TBC1D9: variants seen among roughly 807,000 people sequenced by gnomAD.
The protein encoded by TBC1D9 is TBC1 domain family member 9A.
TBC1D9 carries 63 observed loss-of-function variants against 132.0 expected under a neutral mutation model. The ratio of observed to expected loss-of-function variants is 0.48; its 90% CI spans 0.39 to 0.59. The LOEUF (loss-of-function observed/expected upper bound fraction) is 0.59, where lower values mean the gene tolerates loss of function less well. Among genes scored for constraint, TBC1D9 ranks in the 20% least tolerant of loss-of-function variants. The pLI is 0.00. For synonymous variants in TBC1D9, 610 were observed against 609.9 expected (o/e 1.00, Z 0.00); for missense variants, 1,261 against 1,592.7 (o/e 0.79, Z 3.54).
intron 1 of TBC1D9, chr4:140,715,666 T>A (rs1032190765): frequency 6.6e-6 from 1 of 152,214 alleles, no homozygotes; most frequent in African/African-American, 2.4e-5. Context: ...GGCTACAGAC[T>A]GTAATTAAAA....
At chr4:140,672,229 CATTAT>C (rs1737549237) in intron 6 of TBC1D9, among the ~76,000 whole-genome samples, 1 of 148,610 alleles carries the variant, frequency 6.7e-6, no homozygotes, top group Non-Finnish European at 1.5e-5. Flanking sequence ...ATATAATATA[CATTAT>C]ATATTAAACA....
Position 140,740,130 on chromosome 4 carries a change from C to T in TBC1D9, c.130+15786G>A, listed in dbSNP as rs554007782. On this transcript the variant is annotated intron_variant, in intron 1 of 20. Coordinates refer to ENST00000442267, the MANE Select transcript of TBC1D9 (RefSeq NM_015130.3). Reference sequence around the variant, plus strand: ...ATAAAGTAAAAGAGTTGATTTTAGGCCCCTGATTAATAATCTCTAGACCCC... The same window carrying T: ...ATAAAGTAAAAGAGTTGATTTTAGGTCCCTGATTAATAATCTCTAGACCCC... 8.5e-5 allele frequency among the ~76,000 whole-genome samples: 13 copies of T among 152,268 alleles called. 1 individual carries two copies. In the South Asian group the frequency reaches 2.7e-3, roughly 32 times the overall value.
intron 13 of TBC1D9, among the ~76,000 whole-genome samples, chr4:140,651,362 C>A (rs1405893758): frequency 6.6e-6 from 1 of 152,132 alleles, no homozygotes; most frequent in Non-Finnish European, 1.5e-5. Context: ...ACTCAGGAGG[C>A]TGAGCTGGAA....
chr4:140,740,018 G>A lies in TBC1D9; in HGVS notation c.130+15898C>T, dbSNP rs573664872. On this transcript the variant is annotated intron_variant, in intron 1 of 20. Coordinates refer to ENST00000442267, the MANE Select transcript of TBC1D9 (RefSeq NM_015130.3). Reference sequence around the variant, plus strand: ...TGCCTTAGAATAATGGAGCTGAAAAGGTAGGAGTGGAGGTACAGTTATGGG... The same window carrying A: ...TGCCTTAGAATAATGGAGCTGAAAAAGTAGGAGTGGAGGTACAGTTATGGG... Among the ~76,000 whole-genome samples, 343 of 152,286 alleles carry A rather than the reference G, an allele frequency of 2.3e-3. 2 individuals carry two copies. The highest frequency in any genetic ancestry group is 5.4e-3 in the Admixed American group (83 of 15,286).
At chr4:140,725,654 C>T (rs1003134726) in intron 1 of TBC1D9, among the ~76,000 whole-genome samples, 4 of 152,056 alleles carry the variant, frequency 2.6e-5, no homozygotes, top group Non-Finnish European at 4.4e-5. Context: ...CCCCATATCT[C>T]GTTTGCTGGA....
intron 1 of TBC1D9, among the ~76,000 whole-genome samples, chr4:140,740,130 C>A (rs554007782): frequency 6.6e-6 from 1 of 152,152 alleles, no homozygotes; most frequent in Non-Finnish European, 1.5e-5. Flanking sequence ...TGATTTTAGG[C>A]CCCTGATTAA....
chr4:140,638,883 G>A lies in TBC1D9; in HGVS notation c.2505+203C>T, dbSNP rs556469287. On this transcript the variant is annotated intron_variant, in intron 15 of 20. Coordinates refer to ENST00000442267, the MANE Select transcript of TBC1D9 (RefSeq NM_015130.3). ...CAAGTAAACAACTAGAATATTATAT[G>A]GAGTGCAAGGTAACTAAAACATCAA... Among the ~76,000 whole-genome samples the A allele has an allele frequency of 7.2e-4, 109 of 152,248 alleles. 1 individual carries two copies. The highest frequency in any genetic ancestry group is 2.5e-3 in the African/African-American group (104 of 41,540).
At chr4:140,634,526 G>C (rs1299337874) in intron 15 of TBC1D9, among the ~76,000 whole-genome samples, 1 of 151,998 alleles carries the variant, frequency 6.6e-6, no homozygotes, top group Non-Finnish European at 1.5e-5. Flanking sequence ...CTCCCATAAA[G>C]AGAAAGAAAT....
At chr4:140,645,545 C>T (rs185159425) in intron 13 of TBC1D9, 157 of 307,160 alleles carry the variant, frequency 5.1e-4, no homozygotes, top group African/African-American at 3.3e-3. Context: ...TACATCTCCG[C>T]ACTTCCTCCA....
Position 140,756,163 on chromosome 4 carries a change from C to G in TBC1D9, c.-118G>C, listed in dbSNP as rs1234435450. The stretch of plus-strand genomic sequence containing the variant: ...CGCCCGCCCGCCCGTCCGCTAGGTG[C>G]GGCGGCGGCGGCGGCAGGCGACTTC... On this transcript the variant is annotated 5_prime_UTR_variant, in exon 1 of 21. Transcript: ENST00000442267. This position sits in a 1 kb window ranked among gnomAD's most constrained non-coding sequence, Gnocchi z 5.6. 8.2e-6 allele frequency: 5 copies of G among 612,762 alleles called. No individual in the cohort carries two copies. Among genetic ancestry groups the G allele is most frequent in the Non-Finnish European group, 1.2e-5 (5 of 431,120 alleles). 38.0% of individuals were successfully genotyped at this position (612,762 alleles called of 1,614,324 possible).
At chr4:140,665,449 A>C (rs1170924638) in intron 9 of TBC1D9, among the ~76,000 whole-genome samples, 2 of 152,224 alleles carry the variant, frequency 1.3e-5, no homozygotes, top group African/African-American at 4.8e-5. Context: ...ATTTCTACAA[A>C]GAAGATATAG....
chr4:140,634,878 T>C (rs1010985153), intron 15 of TBC1D9, among the ~76,000 whole-genome samples: 4 of 152,084 alleles, frequency 2.6e-5, no homozygotes, highest in Non-Finnish European at 4.4e-5. Flanking sequence ...GCGAGCAGAA[T>C]AGAGATCCAG....
intron 1 of TBC1D9, among the ~76,000 whole-genome samples, chr4:140,746,727 C>T (rs982816577): frequency 6.6e-6 from 1 of 152,176 alleles, no homozygotes; most frequent in South Asian, 2.1e-4. Flanking sequence ...GAGACTTATT[C>T]ACTACCATGA....
chr4:140,724,695 T>A (rs2111061401), intron 1 of TBC1D9, among the ~76,000 whole-genome samples: 1 of 147,060 alleles, frequency 6.8e-6, no homozygotes, highest in Admixed American at 6.7e-5. Flanking sequence ...ATGTACCTAA[T>A]ATACAAAGTT....
At chr4:140,744,842 C>T (rs973530134) in intron 1 of TBC1D9, among the ~76,000 whole-genome samples, 2 of 148,252 alleles carry the variant, frequency 1.3e-5, no homozygotes, top group Non-Finnish European at 3.0e-5. Context: ...GAAATCTTGC[C>T]ACTGCACTCC....
Position 140,622,210 on chromosome 4 carries a change from C to G in TBC1D9, c.3786G>C (p.Ser1262=), listed in dbSNP as rs369396877. ...GGCGCCCGTGTCAGCCGGACATGGC[C>G]GAGATTTCATAGTCACTGGCCGAGG... ...PLTSASDYEI[S]AMSG The change falls in exon 21 of 21, where the codon TCG becomes TCC. Residue 1262 remains serine (S), a synonymous_variant. Coordinates refer to ENST00000442267, the MANE Select transcript of TBC1D9 (RefSeq NM_015130.3). 3 of 1,581,914 alleles carry G rather than the reference C, an allele frequency of 1.9e-6. No homozygotes were observed. In the Admixed American group the frequency reaches 5.1e-5, roughly 27 times the overall value.
At chr4:140,709,065 A>G (rs963701839) in intron 1 of TBC1D9, among the ~76,000 whole-genome samples, 2 of 152,122 alleles carry the variant, frequency 1.3e-5, no homozygotes, top group South Asian at 4.1e-4. Flanking sequence ...GGTTCTCAAC[A>G]AGCCTACTAT....
intron 1 of TBC1D9, among the ~76,000 whole-genome samples, chr4:140,733,624 A>G (rs1578860932): frequency 6.6e-6 from 1 of 152,286 alleles, no homozygotes; most frequent in East Asian, 1.9e-4. Flanking sequence ...TGGCCTCCAG[A>G]TATCTGTTAA....
intron 13 of TBC1D9, chr4:140,642,395 G>A (rs1290649843): frequency 9.4e-6 from 8 of 846,622 alleles, no homozygotes; most frequent in Non-Finnish European, 1.6e-5. Flanking sequence ...GAGACAGGCC[G>A]GAGGCCCTTG....
Sources: allele counts gnomAD v4.1 joint callset (sites outside exome capture counted in the v4.1 genomes callset), GRCh38; gene constraint gnomAD v4.1.1; non-coding constraint Gnocchi (gnomAD v3.1); transcripts MANE v1.5; gene names NCBI Gene and HGNC (gene_info 2026-07-23, HGNC 2026-07-21).